The following CACNA2D3 variants were observed in gnomAD, a reference collection of about 807,000 sequenced individuals.
The protein encoded by CACNA2D3 is voltage-dependent calcium channel subunit alpha-2/delta-3.
CACNA2D3 carries 60 observed loss-of-function variants against 160.6 expected under a neutral mutation model. The ratio of observed to expected loss-of-function variants is 0.37; its 90% CI spans 0.30 to 0.46. CACNA2D3 has a LOEUF of 0.46. Ranked by LOEUF, CACNA2D3 falls within the 20% of genes least tolerant of loss-of-function variation. The pLI is 1.00. For synonymous variants in CACNA2D3, 558 were observed against 492.9 expected (o/e 1.13, Z -1.75); for missense variants, 1,205 against 1,365.0 (o/e 0.88, Z 1.85).
At chr3:54,223,023 C>T (rs1701604020) in intron 2 of CACNA2D3, among the ~76,000 whole-genome samples, 1 of 152,180 alleles carries the variant, frequency 6.6e-6, no homozygotes, top group Non-Finnish European at 1.5e-5. Context: ...ATTAATCAAG[C>T]ATGACTTTAT....
chr3:54,344,909 G>C (rs1390608374), intron 3 of CACNA2D3, among the ~76,000 whole-genome samples: 1 of 152,124 alleles, frequency 6.6e-6, no homozygotes, highest in Non-Finnish European at 1.5e-5. Flanking sequence ...TACAGTAAAG[G>C]AGCCAGCCAA....
At chr3:54,829,502 G>A (rs1388217239) in intron 14 of CACNA2D3, among the ~76,000 whole-genome samples, 1 of 152,122 alleles carries the variant, frequency 6.6e-6, no homozygotes, top group Non-Finnish European at 1.5e-5. Flanking sequence ...CACATAGTCT[G>A]CTTACATCCC....
At chr3:54,458,042 A>G (rs976896637) in intron 4 of CACNA2D3, among the ~76,000 whole-genome samples, 2 of 151,970 alleles carry the variant, frequency 1.3e-5, no homozygotes, top group South Asian at 2.1e-4. Context: ...CTGCCAGCCT[A>G]TATCTTTTAA....
intron 2 of CACNA2D3, among the ~76,000 whole-genome samples, chr3:54,222,169 T>C (rs995876732): frequency 1.3e-5 from 2 of 152,240 alleles, no homozygotes; most frequent in Admixed American, 1.3e-4. Context: ...AATGGGCTTA[T>C]GCAATTACGG....
intron 5 of CACNA2D3, among the ~76,000 whole-genome samples, chr3:54,544,634 G>T (rs995909350): frequency 6.6e-6 from 1 of 152,000 alleles, no homozygotes; most frequent in African/African-American, 2.4e-5. Context: ...CTGGCCTCAA[G>T]CGATCCTCTC....
At chr3:54,615,165 A>G (rs1173522107) in intron 9 of CACNA2D3, among the ~76,000 whole-genome samples, 2 of 152,236 alleles carry the variant, frequency 1.3e-5, no homozygotes, top group African/African-American at 4.8e-5. Context: ...TGATGAAATT[A>G]AAATATCACT....
chr3:54,782,449 T>C (rs1702554302), intron 13 of CACNA2D3, among the ~76,000 whole-genome samples: 1 of 152,158 alleles, frequency 6.6e-6, no homozygotes, highest in African/African-American at 2.4e-5. Context: ...TATGTAGAAA[T>C]TCAGGATAAC....
intron 23 of CACNA2D3, among the ~76,000 whole-genome samples, chr3:54,886,961 A>G (rs1575531712): frequency 2.2e-5 from 1 of 46,464 alleles, no homozygotes; most frequent in East Asian, 8.9e-4. Flanking sequence ...CCCCCAGTCA[A>G]GGTGAGGACT....
At chr3:54,725,334 A>G (rs1002412882) in intron 11 of CACNA2D3, among the ~76,000 whole-genome samples, 2 of 152,230 alleles carry the variant, frequency 1.3e-5, no homozygotes, top group African/African-American at 4.8e-5. Flanking sequence ...TACCAGAGGT[A>G]CAAAGAGGAG....
At chr3:54,297,608 G>A (rs1703370246) in intron 2 of CACNA2D3, among the ~76,000 whole-genome samples, 1 of 151,720 alleles carries the variant, frequency 6.6e-6, no homozygotes, top group African/African-American at 2.4e-5. Context: ...GAATATGGTG[G>A]CAAGTAACTT....
intron 17 of CACNA2D3, among the ~76,000 whole-genome samples, chr3:54,856,064 T>C (rs1699162528): frequency 6.6e-6 from 1 of 152,228 alleles, no homozygotes; most frequent in African/African-American, 2.4e-5. Context: ...TCTGCTCCTC[T>C]GTGCTGCAAG....
At chr3:54,515,174 C>CTGTGTGTG (rs34453702) in intron 5 of CACNA2D3, among the ~76,000 whole-genome samples, 23 of 134,436 alleles carry the variant, frequency 1.7e-4, no homozygotes, top group African/African-American at 4.9e-4. Flanking sequence ...GTGTGTGTGT[C>CTGTGTGTG]TGTGTGTGTG....
intron 4 of CACNA2D3, among the ~76,000 whole-genome samples, chr3:54,447,998 A>T (rs1048937936): frequency 6.6e-6 from 1 of 152,156 alleles, no homozygotes; most frequent in Non-Finnish European, 1.5e-5. Context: ...TAGCACAACC[A>T]CGAGGGAATT....
rs1379356366 is a variant in CACNA2D3 at position 54,822,192 on chromosome 3, G to T, written c.1398+5322G>T. Among the ~76,000 whole-genome samples the T allele has an allele frequency of 2.6e-5, 4 of 152,052 alleles. No homozygotes were observed. In the East Asian group the frequency reaches 7.7e-4, roughly 29 times the overall value. ...ACTTTTTATATGCATTCCCAAGCCGGGGGTGTTAAGATTGATATACTCACA... is the reference window on the plus strand; with the variant it reads ...ACTTTTTATATGCATTCCCAAGCCGTGGGTGTTAAGATTGATATACTCACA... On this transcript the variant is annotated intron_variant, in intron 14 of 37. Coordinates refer to ENST00000474759, the MANE Select transcript of CACNA2D3 (RefSeq NM_018398.3).
At chr3:55,041,145 T>C (rs1325404447) in intron 35 of CACNA2D3, among the ~76,000 whole-genome samples, 1 of 152,210 alleles carries the variant, frequency 6.6e-6, no homozygotes, top group East Asian at 1.9e-4. Context: ...GGTACTCCAT[T>C]GTATAGAGAT....
At chr3:54,343,496 C>A (rs1009935179) in intron 3 of CACNA2D3, among the ~76,000 whole-genome samples, 1 of 152,122 alleles carries the variant, frequency 6.6e-6, no homozygotes, top group Non-Finnish European at 1.5e-5. Context: ...GTGGCCCAGG[C>A]TGGTCTCAAA....
intron 2 of CACNA2D3, among the ~76,000 whole-genome samples, chr3:54,308,308 G>T (rs1395992302): frequency 1.3e-5 from 2 of 152,146 alleles, no homozygotes; most frequent in Non-Finnish European, 2.9e-5. Flanking sequence ...CCATTCCTCA[G>T]GCTGTCCTTC....
chr3:54,718,212 T>C (rs372571028), intron 11 of CACNA2D3, among the ~76,000 whole-genome samples: 2 of 152,294 alleles, frequency 1.3e-5, no homozygotes, highest in East Asian at 1.9e-4. Context: ...TGCTATCTTT[T>C]GATGAACAGA....
chr3:54,150,916 G>A (rs1447202294), intron 2 of CACNA2D3, among the ~76,000 whole-genome samples: 1 of 151,950 alleles, frequency 6.6e-6, no homozygotes, highest in African/African-American at 2.4e-5. Context: ...TGGGTGAATG[G>A]ATGGGTGGGT....
Sources: allele counts gnomAD v4.1 joint callset (sites outside exome capture counted in the v4.1 genomes callset), GRCh38; gene constraint gnomAD v4.1.1; transcripts MANE v1.5; gene names NCBI Gene and HGNC (gene_info 2026-07-23, HGNC 2026-07-21).